Variants in LYSMD3 observed in about 807,000 individuals in gnomAD.
LYSMD3 encodes the protein LysM domain containing 3, also known as lysM and putative peptidoglycan-binding domain-containing protein 3.
Under a neutral mutation model 26.1 loss-of-function variants are expected in LYSMD3, and 13 were observed. The ratio of observed to expected loss-of-function variants is 0.50; its 90% CI spans 0.32 to 0.79. The LOEUF is 0.79. Among genes scored for constraint, LYSMD3 ranks in the 30% least tolerant of loss-of-function variants. The pLI is 0.03. For missense variants in LYSMD3, 331 were observed against 362.5 expected (o/e 0.91, Z 0.71); for synonymous variants, 109 against 119.4 (o/e 0.91, Z 0.57).
Position 90,519,412 on chromosome 5 carries a change from G to C in LYSMD3, c.328C>G (p.Pro110Ala). The change falls in exon 3 of 3, where the codon CCA becomes GCA. Residue 110 changes from proline to alanine, a missense_variant. Transcript: ENST00000315948. ...DFFALRSIKI[P>A]VKKFSSLTET... The stretch of plus-strand genomic sequence containing the variant: ...GTCAAGGAACTGAACTTTTTTACTG[G>C]AATTTTGATAGACCTAAGGGCAAAA... The C allele has an allele frequency of 6.2e-7, 1 of 1,613,726 alleles. No homozygotes were observed. The highest frequency in any genetic ancestry group is 2.2e-5 in the East Asian group (1 of 44,858).
At chr5:90,527,198 CAATA>C (rs1753244064) in intron 1 of LYSMD3, among the ~76,000 whole-genome samples, 1 of 152,052 alleles carries the variant, frequency 6.6e-6, no homozygotes, top group Non-Finnish European at 1.5e-5. Context: ...AAATGGATGA[CAATA>C]AATTACAAAG....
Position 90,519,246 on chromosome 5 carries a change from T to C in LYSMD3, c.494A>G (p.Asp165Gly). 6.2e-7 allele frequency: 1 copy of C among 1,614,004 alleles called. No individual in the cohort carries two copies. Among genetic ancestry groups the C allele is most frequent in the Non-Finnish European group, 8.5e-7 (1 of 1,179,998 alleles). ...CTTTACTATTTGTTCTATGTCTCGG[T>C]CTACTTCTTTTAAAAAGCTACCAGC... ...DSAGSFLKEV[D>G]RDIEQIVKCT... Residue 165 changes from aspartate to glycine, a missense_variant, in exon 3 of 3, where the codon GAC becomes GGC. Physicochemically the swap from Asp to Gly is moderately conservative, Grantham distance 94. Transcript: ENST00000315948.
intron 1 of LYSMD3, chr5:90,527,120 G>A (rs1753241633): frequency 6.6e-6 from 1 of 152,014 alleles, no homozygotes; most frequent in South Asian, 2.1e-4. Flanking sequence ...CTATGGATGA[G>A]TACCAAGCGA....
At chr5:90,527,296 G>T (rs1459463058) in intron 1 of LYSMD3, among the ~76,000 whole-genome samples, 1 of 152,088 alleles carries the variant, frequency 6.6e-6, no homozygotes, top group African/African-American at 2.4e-5. Context: ...GCCACAAATG[G>T]AAAATTCCAC....
At chr5:90,523,066 C>G (rs1219762749) in intron 2 of LYSMD3, among the ~76,000 whole-genome samples, 1 of 152,090 alleles carries the variant, frequency 6.6e-6, no homozygotes, top group African/African-American at 2.4e-5. Flanking sequence ...GAAGTGTATT[C>G]CACCATCTAC....
chr5:90,528,102 C>T (rs1376387715), intron 1 of LYSMD3, among the ~76,000 whole-genome samples: 1 of 152,148 alleles, frequency 6.6e-6, no homozygotes, highest in Non-Finnish European at 1.5e-5. Context: ...CCAAGGATAA[C>T]AGTTTTATTT....
chr5:90,525,023 A>G lies in LYSMD3; in HGVS notation c.255+12T>C, dbSNP rs1472309576. On this transcript the variant is annotated intron_variant, in intron 2 of 2. Coordinates refer to ENST00000315948, the MANE Select transcript of LYSMD3 (RefSeq NM_198273.2). ...TTTCTTCTGAATTGCATTATGTAAT[A>G]TTAAAACTTACCGTACAACAGTACT... 4.5e-6 allele frequency: 7 copies of G among 1,555,948 alleles called. No individual in the cohort carries two copies. The South Asian group carries it at 8.5e-5, about 19-fold the overall frequency.
intron 2 of LYSMD3, among the ~76,000 whole-genome samples, chr5:90,521,020 CCAA>C (rs1753077698): frequency 6.6e-6 from 1 of 152,002 alleles, no homozygotes; most frequent in Admixed American, 6.6e-5. Flanking sequence ...CTGAAGAACT[CCAA>C]CATTTGATGG....
rs1239514993 is a variant in LYSMD3, at chr5:90,519,396, C to A, written c.344G>T (p.Ser115Ile). The A allele has an allele frequency of 1.2e-6, 2 of 1,613,762 alleles. No individual in the cohort carries two copies. Among genetic ancestry groups the A allele is most frequent in the African/African-American group, 1.3e-5 (1 of 74,846 alleles). ...AGGACAAAGTGTTTCGGTCAAGGAA[C>A]TGAACTTTTTTACTGGAATTTTGAT... ...RSIKIPVKKF[S>I]SLTETLCPPK... Residue 115 changes from serine to isoleucine, a missense_variant, in exon 3 of 3, where the codon AGT becomes ATT. Physicochemically the swap from Ser to Ile is moderately radical, Grantham distance 142. Around this residue, in one of 3 missense-constraint regions of LYSMD3, gnomAD observed 262 missense variants for 267.3 expected, o/e 0.98. Coordinates refer to ENST00000315948, the MANE Select transcript of LYSMD3 (RefSeq NM_198273.2).
At chr5:90,527,149 AAAAACAG>A (rs1417875496) in intron 1 of LYSMD3, 1 of 152,200 alleles carries the variant, frequency 6.6e-6, no homozygotes, top group Non-Finnish European at 1.5e-5. Context: ...CAAACAAACA[AAAAACAG>A]AAAAGACCAA....
intron 2 of LYSMD3, among the ~76,000 whole-genome samples, chr5:90,522,183 C>A (rs1480661543): frequency 1.3e-5 from 2 of 152,096 alleles, no homozygotes; most frequent in African/African-American, 2.4e-5. Context: ...TGTGTGGAAC[C>A]TCCTCCCTCA....
rs2151923162 is a variant in LYSMD3, at chr5:90,529,526, GGCCGAGCCTCT to G, written c.-101_-91del. 1 of 456,646 alleles carries G rather than the reference GGCCGAGCCTCT, an allele frequency of 2.2e-6. No homozygotes were observed. The highest frequency in any genetic ancestry group is 6.9e-5 in the East Asian group (1 of 14,392). 28.3% of individuals were successfully genotyped at this position (456,646 alleles called of 1,614,324 possible). On this transcript the variant is annotated 5_prime_UTR_variant, in exon 1 of 3. Coordinates refer to ENST00000315948, the MANE Select transcript of LYSMD3 (RefSeq NM_198273.2). Reference sequence around the variant, plus strand: ...CCGCCGCTGTCCCGGGTAAGTTCATGGCCGAGCCTCTGCTTTGGGCTGACCCCGTCCGCCTC... The same window carrying G: ...CCGCCGCTGTCCCGGGTAAGTTCATGGCTTTGGGCTGACCCCGTCCGCCTC...
At position 90,518,689 on chromosome 5, in the gene LYSMD3, A is replaced by G; in HGVS notation, c.*130T>C. On this transcript the variant is annotated 3_prime_UTR_variant, in exon 3 of 3. Coordinates refer to ENST00000315948, the MANE Select transcript of LYSMD3 (RefSeq NM_198273.2). ...GCTCAAAAAATTTTCAAAGTGTGAA[A>G]CCCTTTTGTTAAAAACAAAAGCATC... The G allele has an allele frequency of 1.1e-6, 1 of 934,442 alleles. No individual in the cohort carries two copies. The highest frequency in any genetic ancestry group is 1.9e-5 in the South Asian group (1 of 53,440). The allele number at this position is 934,442 out of a possible 1,614,324, so 57.9% of individuals were successfully genotyped here.
At chr5:90,527,411 A>ATTTTTTTTTT (rs71614754) in intron 1 of LYSMD3, among the ~76,000 whole-genome samples, 1 of 140,680 alleles carries the variant, frequency 7.1e-6, no homozygotes, top group African/African-American at 2.6e-5. Flanking sequence ...TATTAATGGT[A>ATTTTTTTTTT]TTTTTTTTTT....
chr5:90,525,408 T>C (rs1753199667), intron 1 of LYSMD3, 108 bp from the exon 2 acceptor site: 1 of 1,125,024 alleles, frequency 8.9e-7, no homozygotes, highest in South Asian at 1.7e-5. Flanking sequence ...GTTTTAATGG[T>C]TTTAGTTATT....
rs1166967631 is a variant in LYSMD3 at position 90,516,826 on chromosome 5, T to C, written c.*1993A>G. The C allele has an allele frequency of 1.3e-5, 2 of 152,492 alleles. No homozygotes were observed. Among genetic ancestry groups the C allele is most frequent in the Non-Finnish European group, 2.9e-5 (2 of 67,906 alleles). 9.4% of individuals were successfully genotyped at this position (152,492 alleles called of 1,614,324 possible). On this transcript the variant is annotated 3_prime_UTR_variant, in exon 3 of 3. Coordinates refer to ENST00000315948, the MANE Select transcript of LYSMD3 (RefSeq NM_198273.2). ...ATCAACAAATACACAGCACACCTTA[T>C]TCCTTTAAAAAATAAGTTACATATT...
chr5:90,524,134 G>A (rs1324269450), intron 2 of LYSMD3, among the ~76,000 whole-genome samples: 5 of 152,032 alleles, frequency 3.3e-5, no homozygotes, highest in Non-Finnish European at 7.4e-5. Context: ...AATTAATAGG[G>A]CAATGGCTTA....
At chr5:90,521,385 CT>C (rs1753085066) in intron 2 of LYSMD3, among the ~76,000 whole-genome samples, 1 of 151,822 alleles carries the variant, frequency 6.6e-6, no homozygotes, top group Non-Finnish European at 1.5e-5. Flanking sequence ...CAGAGAGGGT[CT>C]TTAGCAGGGA....
In LYSMD3 at chr5:90,516,200, GGC is replaced by G. The variant is rs1408914062; in HGVS notation, c.*2617_*2618del. ...ACATGAGTCTTCTAATTTTTAATGT[GGC>G]CAGCAGAGTGTGTAACCATTTTTAA... On this transcript the variant is annotated 3_prime_UTR_variant, in exon 3 of 3. Transcript: ENST00000315948. The G allele has an allele frequency of 3.3e-5, 5 of 152,122 alleles. No individual in the cohort carries two copies. In the South Asian group the frequency reaches 1.0e-3, roughly 32 times the overall value. 9.4% of individuals were successfully genotyped at this position (152,122 alleles called of 1,614,324 possible). A position where few individuals can be genotyped will look rare whatever the true frequency, so the allele number is the denominator to read the frequency against.
Sources: allele counts gnomAD v4.1 joint callset (sites outside exome capture counted in the v4.1 genomes callset), GRCh38; gene constraint gnomAD v4.1.1; regional missense constraint gnomAD v4.1.1; transcripts MANE v1.5; gene names NCBI Gene and HGNC (gene_info 2026-07-23, HGNC 2026-07-21).